Variants in COL16A1 observed in about 807,000 individuals in gnomAD.
COL16A1 encodes the protein collagen alpha-1(XVI) chain.
In COL16A1, 189 loss-of-function variants were observed where a neutral mutation model predicts 266.3. The ratio of observed to expected loss-of-function variants is 0.71; its 90% CI spans 0.63 to 0.80. The LOEUF is 0.80. Among genes scored for constraint, COL16A1 ranks in the 30% least tolerant of loss-of-function variants. The pLI is 0.00. For synonymous variants in COL16A1, 740 were observed against 782.3 expected, an observed-to-expected ratio of 0.95 and a Z score of 0.90; for missense variants, 1,928 against 2,122.4, an observed-to-expected ratio of 0.91 and a Z score of 1.80.
chr1:31,695,617 G>A (rs1341106136), intron 10 of COL16A1, 144 bp downstream of exon 10: 2 of 835,298 alleles, frequency 2.4e-6, no homozygotes, highest in African/African-American at 1.7e-5. Flanking sequence ...GCAGTGGACA[G>A]ACAGGGCCCA....
In COL16A1 at chr1:31,659,089, T is replaced by C. The variant is rs575310648; in HGVS notation, c.3880-125A>G. 2.6e-4 allele frequency: 230 copies of C among 885,424 alleles called. No homozygotes were observed. In the African/African-American group the frequency reaches 3.6e-3, roughly 14 times the overall value. The allele number at this position is 885,424 out of a possible 1,614,324, so 54.8% of individuals were successfully genotyped here. A position where few individuals can be genotyped will look rare whatever the true frequency, so the allele number is the denominator to read the frequency against. ...GCTCCATTTCCTCTGGAAACCTTCC[T>C]TCGCTCTGGTCTTGCACTTGAGCTT... On this transcript the variant is annotated intron_variant, in intron 62 of 70. Transcript: ENST00000373672.
chr1:31,671,596 G>A lies in COL16A1; in HGVS notation c.3150+19C>T. The A allele has an allele frequency of 6.2e-7, 1 of 1,614,020 alleles. No individual in the cohort carries two copies. The highest frequency in any genetic ancestry group is 8.5e-7 in the Non-Finnish European group (1 of 1,179,972). On this transcript the variant is annotated intron_variant, in intron 48 of 70. Coordinates refer to ENST00000373672, the MANE Select transcript of COL16A1 (RefSeq NM_001856.4). ...CTTTGAGAGCTTCTCAAGCAGACCAGGGCACCACTGATACTTACGATAGGG... is the reference window on the plus strand; with the variant it reads ...CTTTGAGAGCTTCTCAAGCAGACCAAGGCACCACTGATACTTACGATAGGG...
In COL16A1 at chr1:31,699,816, G is replaced by C; in HGVS notation, c.263C>G (p.Thr88Arg). The change falls in exon 4 of 71, where the codon ACG becomes AGG. Residue 88 changes from threonine to arginine, a missense_variant. This residue lies in a region of COL16A1 where 1,552 missense variants were observed against 1,637.2 expected (regional missense o/e 0.95). Transcript: ENST00000373672. ...RLGAAPVTQP[T>R]RRVFPRGLPE... ...GTGGTCACATGGATGCATTTACCGC[G>C]TGGGCTGGGTCACGGGGGCCGCCCC... The C allele has an allele frequency of 6.3e-7, 1 of 1,594,658 alleles. No individual in the cohort carries two copies. Among genetic ancestry groups the C allele is most frequent in the Non-Finnish European group, 8.6e-7 (1 of 1,162,942 alleles).
In COL16A1 at chr1:31,680,165, C is replaced by A. The variant is rs1053859561; in HGVS notation, c.2611-64G>T. On this transcript the variant is annotated intron_variant, in intron 39 of 70. Transcript: ENST00000373672. ...CGAAGGGCTCTCTTGAAATGGACATCCGAGAGGCACGTGGGCTCTAGAGAT... is the reference window on the plus strand; with the variant it reads ...CGAAGGGCTCTCTTGAAATGGACATACGAGAGGCACGTGGGCTCTAGAGAT... 3 of 1,573,064 alleles carry A rather than the reference C, an allele frequency of 1.9e-6. No homozygotes were observed. In the African/African-American group the frequency reaches 4.1e-5, roughly 21 times the overall value.
chr1:31,667,481 T>C (rs745371641), intron 52 of COL16A1, 94 bp downstream of exon 52: 67 of 1,078,470 alleles, frequency 6.2e-5, no homozygotes, highest in Non-Finnish European at 8.4e-5. Flanking sequence ...GGGGTCACGA[T>C]CCTCCCCTTC....
rs375314083 is a variant in COL16A1, at chr1:31,691,429, C to T, written c.1386G>A (p.Leu462=). 3.8e-5 allele frequency: 61 copies of T among 1,611,586 alleles called. No individual in the cohort carries two copies. The highest frequency in any genetic ancestry group is 4.5e-5 in the Non-Finnish European group (53 of 1,178,668). Reference sequence around the variant, plus strand: ...AGGGGGTACTCACCGGGGTCCCAGGCAGTCCTATCCCAGGGGGTCCAGGGA... The same window carrying T: ...AGGGGGTACTCACCGGGGTCCCAGGTAGTCCTATCCCAGGGGGTCCAGGGA... ...PGLPGPPGIG[L]PGTPGDPGGP... Residue 462 remains leucine (L), a synonymous_variant, in exon 19 of 71, where the codon CTG becomes CTA. Coordinates refer to ENST00000373672, the MANE Select transcript of COL16A1 (RefSeq NM_001856.4).
rs1644122811 is a variant in COL16A1 at position 31,688,922 on chromosome 1, A to G, written c.1706T>C (p.Val569Ala). Residue 569 changes from valine (V) to alanine (A), a missense_variant, in exon 25 of 71, where the codon GTG becomes GCG. Coordinates refer to ENST00000373672, the MANE Select transcript of COL16A1 (RefSeq NM_001856.4). This position sits in a 1 kb window ranked among gnomAD's most constrained non-coding sequence, Gnocchi z 4.9. ...CSSVVGAQHLVSSTGASGDVG... is the reference protein window; with the variant it reads ...CSSVVGAQHLASSTGASGDVG... ...ATCTCCACTGGCCCCTGTGGAGGAC[A>G]CAAGATGCTGGGCCCCTACAACCGA... The G allele has an allele frequency of 6.2e-7, 1 of 1,614,156 alleles. No homozygotes were observed. The highest frequency in any genetic ancestry group is 1.3e-5 in the African/African-American group (1 of 75,056).
At chr1:31,686,545 T>C (rs966646196) in intron 26 of COL16A1, among the ~76,000 whole-genome samples, 1 of 152,242 alleles carries the variant, frequency 6.6e-6, no homozygotes, top group Non-Finnish European at 1.5e-5. Flanking sequence ...CGAAGGCATT[T>C]TTCCAACAGC....
intron 13 of COL16A1, 121 bp downstream of exon 13, chr1:31,692,971 C>T (rs939522171): frequency 1.1e-6 from 1 of 950,356 alleles, no homozygotes; most frequent in Non-Finnish European, 1.6e-6. Context: ...TCACCCCCCT[C>T]CCGTGATCTG....
At chr1:31,669,282 C>A (rs997187253) in intron 49 of COL16A1, among the ~76,000 whole-genome samples, 2 of 152,030 alleles carry the variant, frequency 1.3e-5, no homozygotes, top group Admixed American at 1.3e-4. Flanking sequence ...CAAAGTGTAT[C>A]ATATCATCAG....
chr1:31,693,455 C>T lies in COL16A1; in HGVS notation c.1009-301G>A, dbSNP rs1644367112. Among the ~76,000 whole-genome samples, 3 of 152,188 alleles carry T rather than the reference C, an allele frequency of 2.0e-5. No homozygotes were observed. The South Asian group carries it at 6.2e-4, about 32-fold the overall frequency. On this transcript the variant is annotated intron_variant, in intron 12 of 70. Transcript: ENST00000373672. Reference sequence around the variant, plus strand: ...CCCAAGCACATCAGCTCACACACAGCACAGCCGGAGGCATATGGACACACA... The same window carrying T: ...CCCAAGCACATCAGCTCACACACAGTACAGCCGGAGGCATATGGACACACA...
Position 31,688,454 on chromosome 1 carries a change from A to C in COL16A1, c.1803+13T>G, listed in dbSNP as rs1316601736. ...GAAACTCCAGTGTCCCTGACATCTAACCCAGGTCTCACCTTCTCTCCTTTC... is the reference window on the plus strand; with the variant it reads ...GAAACTCCAGTGTCCCTGACATCTACCCCAGGTCTCACCTTCTCTCCTTTC... On this transcript the variant is annotated intron_variant, in intron 26 of 70. Transcript: ENST00000373672. The surrounding 1 kb of genome is among the most constrained non-coding windows in gnomAD (Gnocchi z 4.9). The C allele has an allele frequency of 6.2e-7, 1 of 1,614,040 alleles. No individual in the cohort carries two copies. The highest frequency in any genetic ancestry group is 1.7e-5 in the Admixed American group (1 of 60,012).
At chr1:31,659,402 G>A (rs998699590) in intron 62 of COL16A1, among the ~76,000 whole-genome samples, 17 of 152,176 alleles carry the variant, frequency 1.1e-4, no homozygotes, top group African/African-American at 4.1e-4. Flanking sequence ...GCAGGGGCTT[G>A]GCACTGACCC....
chr1:31,662,604 C>T lies in COL16A1; in HGVS notation c.3610G>A (p.Gly1204Arg). 6.4e-7 allele frequency: 1 copy of T among 1,567,552 alleles called. No individual in the cohort carries two copies. Among genetic ancestry groups the T allele is most frequent in the Non-Finnish European group, 8.6e-7 (1 of 1,156,504 alleles). ...ACACTCACCTGAATCCCAGGAGGTC[C>T]CGGTGGCCCAGGGGAGCCAGGCAGG... Reference protein sequence around the residue: ...SGLPGSPGPPGPPGIQGPAGL... With the variant: ...SGLPGSPGPPRPPGIQGPAGL... Residue 1204 changes from glycine to arginine, a missense_variant, in exon 57 of 71, where the codon GGA (glycine) becomes AGA (arginine). Gly to Arg is a moderately radical substitution (Grantham distance 125). This residue lies in a region of COL16A1 where 1,552 missense variants were observed against 1,637.2 expected (regional missense o/e 0.95). Transcript: ENST00000373672.
At chr1:31,666,187 GAGGCCCCTGGGCTGGC>G in intron 52 of COL16A1, 106 bp from the exon 53 acceptor site, 1 of 1,240,088 alleles carries the variant, frequency 8.1e-7, no homozygotes, top group Non-Finnish European at 1.1e-6. Flanking sequence ...CATGTGCTGG[GAGGCCCCTGGGCTGGC>G]AGGCCCCCTC....
chr1:31,666,402 G>A (rs1642147490), intron 52 of COL16A1: 6 of 361,978 alleles, frequency 1.7e-5, no homozygotes, highest in Non-Finnish European at 3.0e-5. Flanking sequence ...TCTGAGTGGG[G>A]CGCACACTTT....
At chr1:31,674,476 T>A (rs1643009004) in intron 44 of COL16A1, among the ~76,000 whole-genome samples, 1 of 152,248 alleles carries the variant, frequency 6.6e-6, no homozygotes, top group Admixed American at 6.5e-5. Flanking sequence ...ATTAAGGCTG[T>A]GTACAGGCCC....
intron 42 of COL16A1, chr1:31,679,285 C>T (rs1643423924): frequency 3.1e-6 from 3 of 982,774 alleles, no homozygotes; most frequent in East Asian, 5.3e-5. Flanking sequence ...CAGAAAATAG[C>T]AAATGTGCAA....
At chr1:31,695,492 G>A (rs553957042) in intron 10 of COL16A1, among the ~76,000 whole-genome samples, 1 of 147,862 alleles carries the variant, frequency 6.8e-6, no homozygotes, top group East Asian at 2.1e-4. Flanking sequence ...GTACGGCCCA[G>A]AATCCAAGGG....
Sources: allele counts gnomAD v4.1 joint callset (sites outside exome capture counted in the v4.1 genomes callset), GRCh38; gene constraint gnomAD v4.1.1; regional missense constraint gnomAD v4.1.1; non-coding constraint Gnocchi (gnomAD v3.1); transcripts MANE v1.5; gene names NCBI Gene and HGNC (gene_info 2026-07-23, HGNC 2026-07-21).